The following NPHS2 variants were observed in gnomAD, a reference collection of about 807,000 sequenced individuals.
The protein encoded by NPHS2 is podocin.
NPHS2 carries 36 observed loss-of-function variants against 37.1 expected under a neutral mutation model. That is an observed-to-expected ratio of 0.97 (90% CI 0.74 to 1.28). NPHS2 has a LOEUF of 1.28. Ranked by LOEUF, NPHS2 falls within the 50% of genes most tolerant of loss-of-function variation. The pLI is 0.00. For missense variants in NPHS2, 447 were observed against 488.1 expected, an observed-to-expected ratio of 0.92 and a Z score of 0.79; for synonymous variants, 196 against 189.3, an observed-to-expected ratio of 1.04 and a Z score of -0.29.
At chr1:179,565,004 C>T (rs1674281622) in intron 1 of NPHS2, among the ~76,000 whole-genome samples, 1 of 152,026 alleles carries the variant, frequency 6.6e-6, no homozygotes, top group South Asian at 2.1e-4. Flanking sequence ...GGCACAGTGG[C>T]TCACGCCTGT....
intron 3 of NPHS2, among the ~76,000 whole-genome samples, chr1:179,560,816 A>T (rs1022622370): frequency 1.3e-5 from 2 of 152,228 alleles, no homozygotes; most frequent in African/African-American, 4.8e-5. Flanking sequence ...TCTTATGGTT[A>T]GCACAGAGTC....
At position 179,575,633 on chromosome 1, in the gene NPHS2, T is replaced by A; in HGVS notation, c.232A>T (p.Thr78Ser). The change falls in exon 1 of 8, where the codon ACC (threonine) becomes TCC (serine). Residue 78 changes from threonine (T) to serine (S), a missense_variant. Thr to Ser is a moderately conservative substitution (Grantham distance 58). Transcript: ENST00000367615. Reference sequence around the variant, plus strand: ...CTCTCCAACAGCGCCACCACCTCGGTGCCCTCCTCGCCGGAGCCTCGGACC... The same window carrying A: ...CTCTCCAACAGCGCCACCACCTCGGAGCCCTCCTCGCCGGAGCCTCGGACC... The part of the protein sequence containing the change: ...DEVRGSGEEG[T>S]EVVALLESER... 6.2e-7 allele frequency: 1 copy of A among 1,603,642 alleles called. No homozygotes were observed. Among genetic ancestry groups the A allele is most frequent in the South Asian group, 1.1e-5 (1 of 91,050 alleles).
At chr1:179,572,872 C>G (rs1674616564) in intron 1 of NPHS2, among the ~76,000 whole-genome samples, 2 of 151,330 alleles carry the variant, frequency 1.3e-5, no homozygotes, top group Non-Finnish European at 2.9e-5. Context: ...GGGTCTTGCT[C>G]TCTCCAGGCT....
intron 4 of NPHS2, among the ~76,000 whole-genome samples, chr1:179,558,843 G>A (rs35867532): frequency 0.2 from 30,802 of 152,128 alleles, 3,798 homozygotes; most frequent in Non-Finnish European, 0.27. Flanking sequence ...TAGTGATGCT[G>A]AGCATCTTTT....
intron 2 of NPHS2, among the ~76,000 whole-genome samples, chr1:179,563,581 TAAAC>T (rs1482197961): frequency 1.3e-5 from 2 of 152,196 alleles, no homozygotes; most frequent in South Asian, 2.1e-4. Context: ...AAAACTAACT[TAAAC>T]AAACTTAAAA....
intron 1 of NPHS2, among the ~76,000 whole-genome samples, chr1:179,573,393 A>G (rs1674637421): frequency 6.6e-6 from 1 of 152,244 alleles, no homozygotes; most frequent in African/African-American, 2.4e-5. Context: ...AAATGAGTTT[A>G]GAGAATACTA....
rs1484714628 is a variant in NPHS2, at chr1:179,575,914, A to G, written c.-50T>C. 7.4e-7 allele frequency: 1 copy of G among 1,360,228 alleles called. No individual in the cohort carries two copies. Among genetic ancestry groups the G allele is most frequent in the Non-Finnish European group, 9.4e-7 (1 of 1,063,936 alleles). The allele number at this position is 1,360,228 out of a possible 1,614,324, so 84.3% of individuals were successfully genotyped here. On this transcript the variant is annotated 5_prime_UTR_variant, in exon 1 of 8. Transcript: ENST00000367615. ...GCAGCAGCGCGGGAGCGCTAGGGGC[A>G]CGGGAGCGCAGTCCCTGTGGAGTCG...
Position 179,561,342 on chromosome 1 carries a change from C to T in NPHS2, c.398G>A (p.Arg133Lys). 6.2e-7 allele frequency: 1 copy of T among 1,612,000 alleles called. No homozygotes were observed. Among genetic ancestry groups the T allele is most frequent in the Non-Finnish European group, 8.5e-7 (1 of 1,178,154 alleles). The change falls in exon 3 of 8, where the codon AGA becomes AAA. Residue 133 changes from arginine to lysine, a missense_variant. Transcript: ENST00000367615. ...FCVKVVQEYE[R>K]VIIFRLGHLL... ...ATGTCCCAGTCGGAATATAATTACT[C>T]TTTCATACTCTTGTACAACCTAAAG...
chr1:179,559,604 TA>T, intron 4 of NPHS2, 74 bp downstream of exon 4: 1 of 973,086 alleles, frequency 1.0e-6, no homozygotes, highest in South Asian at 1.4e-5. Flanking sequence ...TTTTTGAGTA[TA>T]AATAATCATT....
At chr1:179,573,500 G>C (rs1193193874) in intron 1 of NPHS2, among the ~76,000 whole-genome samples, 3 of 152,144 alleles carry the variant, frequency 2.0e-5, no homozygotes, top group Non-Finnish European at 2.9e-5. Flanking sequence ...ACACACATTT[G>C]ACCAGGTAAT....
At chr1:179,568,996 A>G (rs1440586819) in intron 1 of NPHS2, among the ~76,000 whole-genome samples, 1 of 152,054 alleles carries the variant, frequency 6.6e-6, no homozygotes, top group African/African-American at 2.4e-5. Flanking sequence ...TAGAATAAAT[A>G]TGATGTGGTG....
At chr1:179,569,089 C>T (rs1674445943) in intron 1 of NPHS2, among the ~76,000 whole-genome samples, 1 of 152,142 alleles carries the variant, frequency 6.6e-6, no homozygotes, top group South Asian at 2.1e-4. Context: ...GAGCTGAGTT[C>T]TGGTCCTGGA....
chr1:179,563,398 A>G (rs1674217295), intron 2 of NPHS2, among the ~76,000 whole-genome samples: 1 of 152,210 alleles, frequency 6.6e-6, no homozygotes. Context: ...TCAATACCCC[A>G]CTTTAAACAA....
At chr1:179,573,183 C>T (rs1674627232) in intron 1 of NPHS2, among the ~76,000 whole-genome samples, 1 of 152,056 alleles carries the variant, frequency 6.6e-6, no homozygotes, top group Non-Finnish European at 1.5e-5. Flanking sequence ...AATTAGTAGG[C>T]CTGAAAATTT....
intron 6 of NPHS2, 136 bp downstream of exon 6, chr1:179,554,340 T>C: frequency 1.0e-6 from 1 of 987,618 alleles, no homozygotes; most frequent in Non-Finnish European, 1.5e-6. Context: ...TTAGGTGATT[T>C]GTTTCTCTTT....
rs1673266378 is a variant in NPHS2, at chr1:179,551,451, T to A, written c.874A>T (p.Met292Leu). ...AEAQRQAKVRMIAAEAEKAAS... is the reference protein window; with the variant it reads ...AEAQRQAKVRLIAAEAEKAAS... Reference sequence around the variant, plus strand: ...GCCTTTTCCGCTTCTGCAGCAATCATCTAGAAAACATGTGACGAAAGCAAA... The same window carrying A: ...GCCTTTTCCGCTTCTGCAGCAATCAACTAGAAAACATGTGACGAAAGCAAA... The change falls in exon 8 of 8, where the codon ATG (methionine) becomes TTG (leucine). Residue 292 changes from methionine to leucine, a missense_variant and splice_region_variant. By Grantham distance (15) the Met-to-Leu change is conservative. Transcript: ENST00000367615. The A allele has an allele frequency of 1.9e-6, 3 of 1,612,934 alleles. No individual in the cohort carries two copies. Among genetic ancestry groups the A allele is most frequent in the East Asian group, 2.2e-5 (1 of 44,890 alleles).
chr1:179,565,030 G>A (rs1323546757), intron 1 of NPHS2, among the ~76,000 whole-genome samples: 1 of 152,084 alleles, frequency 6.6e-6, no homozygotes, highest in Non-Finnish European at 1.5e-5. Flanking sequence ...CAGCACTCTG[G>A]GAGGCTGAGG....
chr1:179,554,060 G>A (rs1022640655), intron 6 of NPHS2, among the ~76,000 whole-genome samples: 14 of 152,140 alleles, frequency 9.2e-5, no homozygotes, highest in East Asian at 5.8e-4. Flanking sequence ...TTACAGGCAT[G>A]TGCTACCACG....
rs1238184528 is a variant in NPHS2, at chr1:179,575,697, C to T, written c.168G>A (p.Glu56=). Residue 56 remains glutamate, a synonymous_variant, in exon 1 of 8, where the codon GAG becomes GAA. Coordinates refer to ENST00000367615, the MANE Select transcript of NPHS2 (RefSeq NM_014625.4). ...SGSGRAGTPG[E]PRAPAATVVD... Reference sequence around the variant, plus strand: ...CCACCGTGGCGGCGGGCGCTCGGGGCTCCCCCGGGGTCCCCGCCCGTCCGG... The same window carrying T: ...CCACCGTGGCGGCGGGCGCTCGGGGTTCCCCCGGGGTCCCCGCCCGTCCGG... 12 of 1,582,798 alleles carry T rather than the reference C, an allele frequency of 7.6e-6. No individual in the cohort carries two copies. Among genetic ancestry groups the T allele is most frequent in the Non-Finnish European group, 9.4e-6 (11 of 1,170,294 alleles).
Sources: gnomAD v4.1 joint callset for allele counts (sites outside exome capture counted in the v4.1 genomes callset) on GRCh38, gnomAD v4.1.1 for gene constraint, MANE v1.5 for transcripts, NCBI Gene and HGNC (gene_info 2026-07-23, HGNC 2026-07-21) for gene names.